Variants in CACNA2D1 observed in about 807,000 individuals in gnomAD.
CACNA2D1 encodes calcium voltage-gated channel auxiliary subunit alpha2delta 1.
Under a neutral mutation model 171.5 loss-of-function variants are expected in CACNA2D1, and 53 were observed. That is an observed-to-expected ratio of 0.31 (90% confidence interval 0.25 to 0.39). CACNA2D1 has a LOEUF of 0.39. CACNA2D1 is among the 10% of genes least tolerant of loss of function. CACNA2D1 has a pLI of 1.00. For synonymous variants in CACNA2D1, 442 were observed against 443.1 expected (o/e 1.00, Z 0.03); for missense variants, 903 against 1,299.8 (o/e 0.69, Z 4.69).
At chr7:82,133,631 T>G (rs1791266761) in intron 5 of CACNA2D1, among the ~76,000 whole-genome samples, 1 of 152,212 alleles carries the variant, frequency 6.6e-6, no homozygotes, top group Non-Finnish European at 1.5e-5. Flanking sequence ...GATGTACTGA[T>G]ATTTATGTGA....
intron 1 of CACNA2D1, among the ~76,000 whole-genome samples, chr7:82,431,758 G>A (rs1462591616): frequency 1.3e-5 from 2 of 149,850 alleles, no homozygotes; most frequent in Admixed American, 6.7e-5. Flanking sequence ...AAAAACATGA[G>A]GCCAGGCGCA....
intron 2 of CACNA2D1, among the ~76,000 whole-genome samples, chr7:82,348,330 C>T (rs139856101): frequency 6.6e-6 from 1 of 152,084 alleles, no homozygotes; most frequent in Non-Finnish European, 1.5e-5. Context: ...TCCCAAGCAT[C>T]GGCACACAAT....
At chr7:82,383,676 C>G (rs544192269) in intron 1 of CACNA2D1, among the ~76,000 whole-genome samples, 4 of 152,172 alleles carry the variant, frequency 2.6e-5, no homozygotes, top group African/African-American at 9.7e-5. Flanking sequence ...ATTTTTAATG[C>G]TTTTGGTTTA....
At chr7:82,179,123 C>G (rs1179410112) in intron 3 of CACNA2D1, among the ~76,000 whole-genome samples, 2 of 152,100 alleles carry the variant, frequency 1.3e-5, no homozygotes, top group African/African-American at 4.8e-5. Context: ...CTCAACACTA[C>G]CTGTCACTTA....
At chr7:82,383,417 G>C (rs1438099981) in intron 1 of CACNA2D1, among the ~76,000 whole-genome samples, 3 of 152,094 alleles carry the variant, frequency 2.0e-5, no homozygotes, top group Non-Finnish European at 4.4e-5. Flanking sequence ...AAGAGAAATA[G>C]AGCAGCAAAA....
intron 24 of CACNA2D1, among the ~76,000 whole-genome samples, chr7:81,980,195 A>AAAG (rs1796311124): frequency 6.7e-6 from 1 of 148,386 alleles, no homozygotes; most frequent in Non-Finnish European, 1.5e-5. Context: ...AAAAAAAAAA[A>AAAG]AAAAAGAAAG....
chr7:82,337,346 C>A (rs1818116986), intron 2 of CACNA2D1, among the ~76,000 whole-genome samples: 1 of 152,008 alleles, frequency 6.6e-6, no homozygotes, highest in South Asian at 2.1e-4. Context: ...GCTTCTGGTT[C>A]CAAAGACTAC....
chr7:82,224,253 T>C (rs1288566145), intron 3 of CACNA2D1, among the ~76,000 whole-genome samples: 1 of 152,146 alleles, frequency 6.6e-6, no homozygotes, highest in Admixed American at 6.5e-5. Flanking sequence ...TGTAAAATCA[T>C]GGGAAAACAT....
chr7:82,260,966 T>C (rs75881461), intron 3 of CACNA2D1, among the ~76,000 whole-genome samples: 4 of 151,738 alleles, frequency 2.6e-5, no homozygotes, highest in Non-Finnish European at 4.4e-5. Flanking sequence ...TTTTTTTTTT[T>C]CTTCTTGAGA....
At chr7:82,428,530 TA>T (rs1373739480) in intron 1 of CACNA2D1, among the ~76,000 whole-genome samples, 1 of 152,194 alleles carries the variant, frequency 6.6e-6, no homozygotes, top group East Asian at 1.9e-4. Flanking sequence ...TAGTCTTTAC[TA>T]ATCTCCATAG....
chr7:82,434,554 G>GTGT (rs368616555), intron 1 of CACNA2D1, among the ~76,000 whole-genome samples: 2 of 152,078 alleles, frequency 1.3e-5, no homozygotes, highest in African/African-American at 4.8e-5. Flanking sequence ...GTCCCAGTGT[G>GTGT]TGTTGATCCC....
intron 3 of CACNA2D1, among the ~76,000 whole-genome samples, chr7:82,224,126 C>G (rs368777915): frequency 3.9e-5 from 6 of 152,038 alleles, no homozygotes; most frequent in African/African-American, 1.4e-4. Context: ...TACTATTTGC[C>G]CAAGATCGAC....
rs1268210371 is a variant in CACNA2D1, at chr7:82,032,682, A to C, written c.1143+115T>G. On this transcript the variant is annotated intron_variant, in intron 12 of 38. Coordinates refer to ENST00000356860, the MANE Select transcript of CACNA2D1 (RefSeq NM_000722.4). ...AATCTATGATTCATATGGCTTTATA[A>C]TTGGCACAATCAGGTTTTAAATCAA... The C allele has an allele frequency of 4.9e-6, 3 of 613,392 alleles. No individual in the cohort carries two copies. The African/African-American group carries it at 5.5e-5, about 11-fold the overall frequency. The allele number at this position is 613,392 out of a possible 1,614,324, so 38.0% of individuals were successfully genotyped here.
chr7:81,953,565 AAAC>A (rs1792853633), intron 38 of CACNA2D1, among the ~76,000 whole-genome samples: 1 of 151,998 alleles, frequency 6.6e-6, no homozygotes, highest in African/African-American at 2.4e-5. Flanking sequence ...ATTAAAAAAA[AAAC>A]AAATACTTTA....
Position 82,205,706 on chromosome 7 carries a change from A to C in CACNA2D1, c.295-35097T>G, listed in dbSNP as rs537248045. ...TACAGTATAAGTCATTTTGAAGAGT[A>C]GATTTTGCTATTTACGTTTTCCAAG... On this transcript the variant is annotated intron_variant, in intron 3 of 38. Transcript: ENST00000356860. 7.9e-5 allele frequency among the ~76,000 whole-genome samples: 12 copies of C among 152,310 alleles called. No homozygotes were observed. In the South Asian group the frequency reaches 2.5e-3, roughly 32 times the overall value.
intron 3 of CACNA2D1, among the ~76,000 whole-genome samples, chr7:82,209,750 T>C (rs1006843121): frequency 2.6e-5 from 4 of 152,190 alleles, no homozygotes; most frequent in Non-Finnish European, 4.4e-5. Context: ...TGAAATATTT[T>C]ATTTTTGCCA....
intron 3 of CACNA2D1, among the ~76,000 whole-genome samples, chr7:82,258,350 T>C (rs1563269551): frequency 6.7e-6 from 1 of 149,406 alleles, no homozygotes; most frequent in East Asian, 2.0e-4. Flanking sequence ...GCCAAATAAA[T>C]AGTTCCTTGG....
chr7:82,018,248 G>T (rs1019357295), intron 12 of CACNA2D1, among the ~76,000 whole-genome samples: 1 of 152,148 alleles, frequency 6.6e-6, no homozygotes, highest in Non-Finnish European at 1.5e-5. Flanking sequence ...AAAGTTCCAA[G>T]ATTATACAAT....
chr7:82,260,969 T>C (rs1177192486), intron 3 of CACNA2D1, among the ~76,000 whole-genome samples: 2 of 151,894 alleles, frequency 1.3e-5, no homozygotes, highest in African/African-American at 4.8e-5. Context: ...TTTTTTTTCT[T>C]CTTGAGACTG....
Sources: allele counts gnomAD v4.1 joint callset (sites outside exome capture counted in the v4.1 genomes callset), GRCh38; gene constraint gnomAD v4.1.1; transcripts MANE v1.5; gene names NCBI Gene and HGNC (gene_info 2026-07-23, HGNC 2026-07-21).